Variants in FGGY observed in about 807,000 individuals in gnomAD.
FGGY encodes FGGY carbohydrate kinase domain-containing protein.
A neutral mutation model predicts 71.3 loss-of-function variants in FGGY; 72 were observed. The ratio of observed to expected loss-of-function variants is 1.01; its 90% CI spans 0.84 to 1.23. The LOEUF (loss-of-function observed/expected upper bound fraction) is 1.23, where lower values mean the gene tolerates loss of function less well. FGGY is among the 50% of genes most tolerant of loss of function. The pLI is 0.00. For synonymous variants in FGGY, 251 were observed against 250.3 expected, an observed-to-expected ratio of 1.00 and a Z score of -0.02; for missense variants, 668 against 682.3, an observed-to-expected ratio of 0.98 and a Z score of 0.23.
intron 5 of FGGY, among the ~76,000 whole-genome samples, chr1:59,453,001 G>A (rs1004005602): frequency 2.0e-5 from 3 of 152,194 alleles, no homozygotes; most frequent in South Asian, 2.1e-4. Context: ...GAAGACTCCC[G>A]GAGGGGTAAG....
chr1:59,538,264 C>G (rs2095369998), intron 7 of FGGY, among the ~76,000 whole-genome samples: 1 of 151,838 alleles, frequency 6.6e-6, no homozygotes, highest in South Asian at 2.1e-4. Flanking sequence ...CACTGGCCAT[C>G]AGAGAAATGC....
intron 5 of FGGY, among the ~76,000 whole-genome samples, chr1:59,397,906 A>T (rs995864048): frequency 6.6e-6 from 1 of 152,126 alleles, no homozygotes; most frequent in African/African-American, 2.4e-5. Flanking sequence ...CAACTCTTTG[A>T]CCTTTGAAAT....
At chr1:59,324,143 C>A (rs114346384) in intron 2 of FGGY, among the ~76,000 whole-genome samples, 2,806 of 152,038 alleles carry the variant, frequency 0.018, 94 homozygotes, top group African/African-American at 0.065. Context: ...GTTAAAGCAA[C>A]AGTAAGGATA....
intron 8 of FGGY, among the ~76,000 whole-genome samples, chr1:59,581,689 G>T (rs951592358): frequency 6.7e-6 from 1 of 149,850 alleles, no homozygotes; most frequent in Non-Finnish European, 1.5e-5. Context: ...TATGTGCCAG[G>T]TATTTTGAAA....
At chr1:59,364,199 T>C (rs2056162387) in intron 4 of FGGY, among the ~76,000 whole-genome samples, 1 of 152,090 alleles carries the variant, frequency 6.6e-6, no homozygotes, top group Admixed American at 6.5e-5. Context: ...GCAGCCCCCC[T>C]CTCCATTGGT....
chr1:59,374,920 A>AG (rs1240638689), intron 4 of FGGY, among the ~76,000 whole-genome samples: 1 of 9,880 alleles, frequency 1.0e-4, no homozygotes, highest in Non-Finnish European at 1.9e-4. Flanking sequence ...GGGTGGGGGG[A>AG]GGGGGGAGGG....
Position 59,458,916 on chromosome 1 carries a change from C to G in FGGY, c.670+1840C>G, listed in dbSNP as rs74084847. ...CCTCTGGAAGCTACCTCTAGACATT[C>G]TTTAGCAATTCTTGGAACTATGAAA... On this transcript the variant is annotated intron_variant, in intron 6 of 15. Coordinates refer to ENST00000303721, the MANE Select transcript of FGGY (RefSeq NM_018291.5). Among the ~76,000 whole-genome samples the G allele has an allele frequency of 5.7e-3, 872 of 152,294 alleles. 7 individuals carry two copies. Among genetic ancestry groups the G allele is most frequent in the African/African-American group, 0.02 (843 of 41,560 alleles).
intron 2 of FGGY, among the ~76,000 whole-genome samples, chr1:59,324,529 G>C (rs2047026613): frequency 6.6e-6 from 1 of 151,938 alleles, no homozygotes; most frequent in Admixed American, 6.6e-5. Context: ...GCCCGCCTCG[G>C]CCTCCCAAAG....
chr1:59,542,221 C>T (rs1307980589), intron 7 of FGGY, among the ~76,000 whole-genome samples: 1 of 152,114 alleles, frequency 6.6e-6, no homozygotes, highest in Non-Finnish European at 1.5e-5. Flanking sequence ...TCTGCCATGT[C>T]GTTGGCTCCT....
intron 6 of FGGY, among the ~76,000 whole-genome samples, chr1:59,472,471 C>A (rs902765303): frequency 1.3e-5 from 2 of 152,180 alleles, no homozygotes; most frequent in African/African-American, 2.4e-5. Context: ...GGAATGCGGG[C>A]GCACGGCGCG....
intron 1 of FGGY, among the ~76,000 whole-genome samples, chr1:59,307,412 G>A (rs2043610760): frequency 6.6e-6 from 1 of 151,396 alleles, no homozygotes; most frequent in Non-Finnish European, 1.5e-5. Context: ...TGGCAGCTTT[G>A]ACATTTGAAT....
intron 6 of FGGY, among the ~76,000 whole-genome samples, chr1:59,462,667 C>T (rs2092329652): frequency 6.6e-6 from 1 of 152,136 alleles, no homozygotes; most frequent in Non-Finnish European, 1.5e-5. Context: ...AGACACTTCT[C>T]AAAAGAAGAC....
intron 9 of FGGY, among the ~76,000 whole-genome samples, chr1:59,621,569 C>T (rs527845036): frequency 6.6e-6 from 1 of 150,464 alleles, no homozygotes; most frequent in Non-Finnish European, 1.5e-5. Flanking sequence ...TTATATGCTG[C>T]CTTGAAAGAT....
At chr1:59,485,807 G>T (rs2093641282) in intron 6 of FGGY, among the ~76,000 whole-genome samples, 1 of 152,044 alleles carries the variant, frequency 6.6e-6, no homozygotes, top group South Asian at 2.1e-4. Context: ...CTTTCTAAGA[G>T]ACTTACCCCC....
chr1:59,407,029 A>G (rs552555208), intron 5 of FGGY, among the ~76,000 whole-genome samples: 6 of 152,248 alleles, frequency 3.9e-5, no homozygotes, highest in African/African-American at 1.2e-4. Flanking sequence ...ATTTGTCATC[A>G]GTGGGAGATG....
chr1:59,485,496 A>C (rs2093630333), intron 6 of FGGY, among the ~76,000 whole-genome samples: 1 of 152,192 alleles, frequency 6.6e-6, no homozygotes, highest in Non-Finnish European at 1.5e-5. Context: ...ATGGCAGAAC[A>C]GTGAGCTTTT....
chr1:59,547,447 G>C (rs558770765), intron 7 of FGGY, among the ~76,000 whole-genome samples: 2 of 152,274 alleles, frequency 1.3e-5, no homozygotes, highest in South Asian at 4.1e-4. Context: ...GATAATGTAG[G>C]ATAAGGTAGA....
intron 4 of FGGY, among the ~76,000 whole-genome samples, chr1:59,353,105 C>T (rs2053613551): frequency 6.6e-6 from 1 of 152,160 alleles, no homozygotes; most frequent in Non-Finnish European, 1.5e-5. Context: ...TTTTTCTGTA[C>T]CACTTACCAA....
intron 5 of FGGY, among the ~76,000 whole-genome samples, chr1:59,394,867 C>T (rs1406879163): frequency 6.6e-6 from 1 of 152,106 alleles, no homozygotes; most frequent in Non-Finnish European, 1.5e-5. Context: ...CCTTATCACT[C>T]ACCAGCCTTT....
Sources: gnomAD v4.1 joint callset for allele counts (sites outside exome capture counted in the v4.1 genomes callset) on GRCh38, gnomAD v4.1.1 for gene constraint, MANE v1.5 for transcripts, NCBI Gene and HGNC (gene_info 2026-07-23, HGNC 2026-07-21) for gene names.